PLAC1: variants seen among roughly 807,000 people sequenced by gnomAD.
The protein encoded by PLAC1 is placenta-specific protein 1.
For synonymous variants in PLAC1, 68 were observed against 62.1 expected, an observed-to-expected ratio of 1.09 and a Z score of -0.44; for missense variants, 136 against 163.2, an observed-to-expected ratio of 0.83 and a Z score of 0.91.
intron 2 of PLAC1, among the ~76,000 whole-genome samples, chrX:134,581,000 C>T (rs1027794964): frequency 1.8e-5 from 2 of 111,986 alleles, no homozygotes; most frequent in African/African-American, 6.5e-5. Flanking sequence ...AAAAGGGTAC[C>T]ACACATTCTC....
At chrX:134,763,690 G>A (rs1445247333) in intron 1 of PLAC1, among the ~76,000 whole-genome samples, 1 of 110,031 alleles carries the variant, frequency 9.1e-6, no homozygotes, top group African/African-American at 3.3e-5. Context: ...GCGTGGTGGC[G>A]GGTGATTGTA....
In PLAC1 at chrX:134,676,295, C is replaced by T. The variant is rs2078474690; in HGVS notation, n.174+57140G>A. On this transcript the variant is annotated intron_variant and non_coding_transcript_variant, in intron 2 of 2. Coordinates refer to the PLAC1 transcript ENST00000466797. ...GCTGGCGGGAATAGGGGAGTGGAGG[C>T]TGCCTGCCGAGGCCTGGTGCACTTT... Among the ~76,000 whole-genome samples, 3 of 111,348 alleles carry T rather than the reference C, an allele frequency of 2.7e-5. No homozygotes were observed. In the Admixed American group the frequency reaches 2.9e-4, roughly 11 times the overall value.
rs767978969 is a variant in PLAC1, at chrX:134,684,243, C to G, written n.174+49192G>C. On this transcript the variant is annotated intron_variant and non_coding_transcript_variant, in intron 2 of 2. Coordinates refer to the PLAC1 transcript ENST00000466797. ...ATATAACCCTCAATAGAAAAACTAC[C>G]TTTTGCATAGTTCAGCCTCTCCCCC... is the stretch of plus-strand genomic sequence containing the variant. Among the ~76,000 whole-genome samples the G allele has an allele frequency of 5.4e-5, 6 of 110,364 alleles. No homozygotes were observed. In the South Asian group the frequency reaches 2.4e-3, roughly 44 times the overall value.
upstream of PLAC1, among the ~76,000 whole-genome samples, chrX:134,658,900 T>C (rs145042198): frequency 0.012 from 1,293 of 111,632 alleles, 23 homozygotes; most frequent in African/African-American, 0.038. Context: ...AAACAAATAA[T>C]ATATGTCCCT....
chrX:134,621,108 AAC>A, intron 1 of PLAC1, among the ~76,000 whole-genome samples: 1 of 111,282 alleles, frequency 9.0e-6, no homozygotes, highest in East Asian at 2.8e-4. Flanking sequence ...CCTGTTCCAG[AAC>A]ATTTCCCCCA....
intron 2 of PLAC1, among the ~76,000 whole-genome samples, chrX:134,726,926 A>G (rs1452970176): frequency 2.7e-5 from 3 of 109,593 alleles, no homozygotes; most frequent in Non-Finnish European, 5.7e-5. Flanking sequence ...TTTATTGACC[A>G]TATTTTATCC....
At chrX:134,728,887 C>T (rs1175239682) in intron 2 of PLAC1, among the ~76,000 whole-genome samples, 3 of 111,110 alleles carry the variant, frequency 2.7e-5, no homozygotes, top group Non-Finnish European at 5.7e-5. Context: ...ATGAGGAAAC[C>T]GAGAAATGGG....
chrX:134,708,615 C>G (rs1230746724), intron 2 of PLAC1, among the ~76,000 whole-genome samples: 2 of 104,675 alleles, frequency 1.9e-5, no homozygotes, highest in Admixed American at 1.0e-4. Context: ...TCTCGGCTCA[C>G]CACAACCCCA....
chrX:134,693,551 A>G (rs1335190340), intron 2 of PLAC1, among the ~76,000 whole-genome samples: 2 of 111,659 alleles, frequency 1.8e-5, no homozygotes, highest in Non-Finnish European at 3.8e-5. Context: ...CACTGGGCCA[A>G]CGTCATACAG....
chrX:134,701,256 C>G (rs2078582264), intron 2 of PLAC1, among the ~76,000 whole-genome samples: 1 of 111,395 alleles, frequency 9.0e-6, no homozygotes. Flanking sequence ...GAAACTGGAC[C>G]CCTACCTTTT....
At chrX:134,597,947 C>A (rs1476275500) in intron 2 of PLAC1, among the ~76,000 whole-genome samples, 4 of 111,697 alleles carry the variant, frequency 3.6e-5, no homozygotes, top group African/African-American at 1.3e-4. Flanking sequence ...GCTCAGGGAA[C>A]TCACGAACTC....
chrX:134,718,394 A>C (rs913444546), intron 2 of PLAC1, among the ~76,000 whole-genome samples: 1 of 112,195 alleles, frequency 8.9e-6, no homozygotes, highest in African/African-American at 3.2e-5. Flanking sequence ...ATTACTTGAA[A>C]AGTACGTAAA....
At chrX:134,645,211 G>A (rs1279313361) in intron 1 of PLAC1, among the ~76,000 whole-genome samples, 1 of 104,340 alleles carries the variant, frequency 9.6e-6, no homozygotes, top group African/African-American at 4.2e-5. Flanking sequence ...CTCTCCCCCT[G>A]AGTGTCTCCA....
rs773380266 is a variant in PLAC1, at chrX:134,579,164, TAG to T, written c.-58-12426_-58-12425del. ...TAGAGATTCCCCAGCCCTACCCCAATAGAATGCACTCCCTCCTGTTATCCCTC... is the reference window on the plus strand; with the variant it reads ...TAGAGATTCCCCAGCCCTACCCCAATAATGCACTCCCTCCTGTTATCCCTC... On this transcript the variant is annotated intron_variant, in intron 2 of 2. Coordinates refer to ENST00000359237, the MANE Select transcript of PLAC1 (RefSeq NM_021796.4). Among the ~76,000 whole-genome samples the T allele has an allele frequency of 1.1e-3, 123 of 110,381 alleles. 2 individuals carry two copies. The East Asian group carries it at 0.031, about 28-fold the overall frequency.
intron 1 of PLAC1, among the ~76,000 whole-genome samples, chrX:134,612,048 T>C (rs188746483): frequency 3.0e-4 from 34 of 112,629 alleles, no homozygotes; most frequent in African/African-American, 1.1e-3. Flanking sequence ...GCCTCCCTGG[T>C]AGATGACTTT....
chrX:134,663,061 G>A (rs1244801307), upstream of PLAC1, among the ~76,000 whole-genome samples: 1 of 112,531 alleles, frequency 8.9e-6, no homozygotes, highest in African/African-American at 3.2e-5. Context: ...AAATTGTGTT[G>A]TCTCAGTAGC....
At chrX:134,576,675 C>T (rs1303408376) in intron 2 of PLAC1, among the ~76,000 whole-genome samples, 1 of 111,531 alleles carries the variant, frequency 9.0e-6, no homozygotes, top group African/African-American at 3.3e-5. Context: ...TGGTGGGCTC[C>T]AATCCAATGA....
chrX:134,751,707 C>A (rs1046341017), intron 1 of PLAC1, among the ~76,000 whole-genome samples: 1 of 111,634 alleles, frequency 9.0e-6, no homozygotes, highest in Admixed American at 9.6e-5. Context: ...ATCATTCACT[C>A]CTCCAGGATC....
chrX:134,683,335 CT>C (rs2078505237), intron 2 of PLAC1, among the ~76,000 whole-genome samples: 2 of 110,331 alleles, frequency 1.8e-5, no homozygotes, highest in African/African-American at 6.6e-5. Flanking sequence ...GTTAGGGTAT[CT>C]TTTCTCTGTT....
Sources: allele counts gnomAD v4.1 joint callset (sites outside exome capture counted in the v4.1 genomes callset), GRCh38; gene constraint gnomAD v4.1.1; transcripts MANE v1.5; gene names NCBI Gene and HGNC (gene_info 2026-07-23, HGNC 2026-07-21).